Variants in ST8SIA1 observed in about 807,000 individuals in gnomAD.
The protein encoded by ST8SIA1 is ST8 alpha-N-acetyl-neuraminide alpha-2,8-sialyltransferase 1.
A neutral mutation model predicts 35.9 loss-of-function variants in ST8SIA1; 16 were observed. The ratio of observed to expected loss-of-function variants is 0.45; its 90% CI spans 0.30 to 0.68. The LOEUF (loss-of-function observed/expected upper bound fraction) is 0.68, where lower values mean the gene tolerates loss of function less well. ST8SIA1 is among the 30% of genes least tolerant of loss of function. The pLI, the probability that ST8SIA1 is intolerant of heterozygous loss-of-function variation, is 0.09. For synonymous variants in ST8SIA1, 170 were observed against 169.6 expected (o/e 1.00, Z -0.02); for missense variants, 383 against 453.6 (o/e 0.84, Z 1.41).
intron 4 of ST8SIA1, among the ~76,000 whole-genome samples, chr12:22,243,830 A>G (rs7978750): frequency 0.18 from 27,680 of 152,064 alleles, 2,763 homozygotes; most frequent in Middle Eastern, 0.3. Context: ...TCAGGAGTTC[A>G]AGACCAGCCT....
At chr12:22,260,721 T>C (rs184483703) in intron 2 of ST8SIA1, among the ~76,000 whole-genome samples, 1 of 152,186 alleles carries the variant, frequency 6.6e-6, no homozygotes, top group Non-Finnish European at 1.5e-5. Flanking sequence ...CAGTAACCTC[T>C]GAAGTCCCAT....
intron 4 of ST8SIA1, among the ~76,000 whole-genome samples, chr12:22,211,412 GCCTGAAGCTA>G (rs1196972163): frequency 6.6e-6 from 1 of 152,184 alleles, no homozygotes; most frequent in Non-Finnish European, 1.5e-5. Context: ...TCAGCTCCCA[GCCTGAAGCTA>G]CCTAGGGGCT....
chr12:22,293,094 T>C (rs535756856), intron 1 of ST8SIA1, among the ~76,000 whole-genome samples: 1 of 152,342 alleles, frequency 6.6e-6, no homozygotes, highest in East Asian at 1.9e-4. Context: ...GTCAAAATAA[T>C]TGCTTTAGAC....
rs751729438 is a variant in ST8SIA1, at chr12:22,334,263, G to C, written c.-31C>G. On this transcript the variant is annotated 5_prime_UTR_variant, in exon 1 of 5. Transcript: ENST00000396037. ...CCCCGGCGTCCCAGGGGCGGGGGCC[G>C]GGGCCTCAGCACAAAGCTAGGCGAA... 7.6e-5 allele frequency: 119 copies of C among 1,575,650 alleles called. No homozygotes were observed. Among genetic ancestry groups the C allele is most frequent in the Non-Finnish European group, 1.0e-4 (118 of 1,153,696 alleles).
At chr12:22,322,029 C>T (rs1866609010) in intron 1 of ST8SIA1, among the ~76,000 whole-genome samples, 1 of 152,216 alleles carries the variant, frequency 6.6e-6, no homozygotes, top group Non-Finnish European at 1.5e-5. Context: ...TCCAGCAGTT[C>T]ACATGTTGCA....
intron 4 of ST8SIA1, among the ~76,000 whole-genome samples, chr12:22,212,912 G>A (rs1013134969): frequency 2.0e-5 from 3 of 152,280 alleles, no homozygotes; most frequent in Admixed American, 2.0e-4. Flanking sequence ...ATAACCAGAA[G>A]TCACAAGATT....
intron 1 of ST8SIA1, among the ~76,000 whole-genome samples, chr12:22,328,317 A>T (rs1866707606): frequency 6.6e-6 from 1 of 152,194 alleles, no homozygotes; most frequent in Admixed American, 6.5e-5. Context: ...CATTCACATG[A>T]TATCTAAGCA....
Position 22,262,000 on chromosome 12 carries a change from G to A in ST8SIA1, c.382-6611C>T, listed in dbSNP as rs942358155. Among the ~76,000 whole-genome samples the A allele has an allele frequency of 5.3e-5, 8 of 152,212 alleles. No homozygotes were observed. In the South Asian group the frequency reaches 6.2e-4, roughly 12 times the overall value. ...AACAAACATGACAGCAAAATGCAGC[G>A]TGCTATAAGGTTAGGAAAAATTTCT... is the stretch of plus-strand genomic sequence containing the variant. On this transcript the variant is annotated intron_variant, in intron 2 of 4. Transcript: ENST00000396037.
chr12:22,240,299 C>T (rs1396858967), intron 4 of ST8SIA1, among the ~76,000 whole-genome samples: 1 of 152,150 alleles, frequency 6.6e-6, no homozygotes, highest in Non-Finnish European at 1.5e-5. Flanking sequence ...CAAATCCGTT[C>T]TAATCAAAAC....
chr12:22,330,322 G>A (rs1866745640), intron 1 of ST8SIA1, among the ~76,000 whole-genome samples: 1 of 152,142 alleles, frequency 6.6e-6, no homozygotes, highest in African/African-American at 2.4e-5. Context: ...GAGCTATGTG[G>A]CAAGCATCAT....
chr12:22,294,948 T>G (rs1442215855), intron 1 of ST8SIA1, among the ~76,000 whole-genome samples: 1 of 152,158 alleles, frequency 6.6e-6, no homozygotes, highest in Non-Finnish European at 1.5e-5. Context: ...ATTTGTTATT[T>G]TAGTAGCTGG....
intron 4 of ST8SIA1, among the ~76,000 whole-genome samples, chr12:22,245,077 T>C (rs1433861097): frequency 6.6e-6 from 1 of 152,186 alleles, no homozygotes; most frequent in African/African-American, 2.4e-5. Flanking sequence ...ATAGAGCAAC[T>C]CTGCCCATCA....
At chr12:22,238,264 G>A (rs1473501850) in intron 4 of ST8SIA1, among the ~76,000 whole-genome samples, 1 of 152,194 alleles carries the variant, frequency 6.6e-6, no homozygotes, top group Admixed American at 6.5e-5. Flanking sequence ...TGAAAGTGAT[G>A]CTAGCACACT....
rs148365862 is a variant in ST8SIA1, at chr12:22,205,665, C to A, written c.585-3627G>T. On this transcript the variant is annotated intron_variant, in intron 4 of 4. Transcript: ENST00000396037. ...TGGCACAGTGACTCAAGTCTACAAT[C>A]CTAGCACTTTAGGCAGCTGAGGTGG... is the stretch of plus-strand genomic sequence containing the variant. 6.9e-3 allele frequency among the ~76,000 whole-genome samples: 1,051 copies of A among 152,104 alleles called. 13 individuals carry two copies. Among genetic ancestry groups the A allele is most frequent in the Middle Eastern group, 0.038 (11 of 290 alleles).
At chr12:22,302,011 A>T (rs1404591382) in intron 1 of ST8SIA1, among the ~76,000 whole-genome samples, 4 of 152,218 alleles carry the variant, frequency 2.6e-5, no homozygotes, top group African/African-American at 4.8e-5. Flanking sequence ...TTATACAAAT[A>T]ATCTGGGCAA....
intron 4 of ST8SIA1, among the ~76,000 whole-genome samples, chr12:22,238,405 T>C (rs1473092911): frequency 6.6e-6 from 1 of 152,208 alleles, no homozygotes; most frequent in Non-Finnish European, 1.5e-5. Context: ...GTGCCCACAC[T>C]AATTCACAAG....
chr12:22,279,663 C>CT (rs1416182216), intron 2 of ST8SIA1, among the ~76,000 whole-genome samples: 1 of 152,188 alleles, frequency 6.6e-6, no homozygotes, highest in Admixed American at 6.5e-5. Context: ...CATGTTACTC[C>CT]TTATTATCTT....
intron 1 of ST8SIA1, among the ~76,000 whole-genome samples, chr12:22,302,401 G>A (rs2135825826): frequency 6.6e-6 from 1 of 152,288 alleles, no homozygotes; most frequent in Middle Eastern, 3.4e-3. Flanking sequence ...GCCTACTGAT[G>A]TATGGACTTC....
At chr12:22,211,544 T>C (rs535599442) in intron 4 of ST8SIA1, among the ~76,000 whole-genome samples, 34 of 152,208 alleles carry the variant, frequency 2.2e-4, no homozygotes, top group Non-Finnish European at 4.6e-4. Flanking sequence ...AGGTTGAAGA[T>C]CAAATATGTA....
Sources: gnomAD v4.1 joint callset for allele counts (sites outside exome capture counted in the v4.1 genomes callset) on GRCh38, gnomAD v4.1.1 for gene constraint, MANE v1.5 for transcripts, NCBI Gene and HGNC (gene_info 2026-07-23, HGNC 2026-07-21) for gene names.